Variants in CEMIP2 observed in about 807,000 individuals in gnomAD.
CEMIP2 encodes cell migration inducing hyaluronidase 2, also known as cell surface hyaluronidase CEMIP2.
In CEMIP2, 79 loss-of-function variants were observed where a neutral mutation model predicts 146.9. The observed-to-expected ratio is 0.54, with a 90% confidence interval of 0.45 to 0.65. CEMIP2 has a LOEUF of 0.65. CEMIP2 is among the 30% of genes least tolerant of loss of function. The pLI, the probability that CEMIP2 is intolerant of heterozygous loss-of-function variation, is 0.00. For missense variants in CEMIP2, 1,596 were observed against 1,696.2 expected (o/e 0.94, Z 1.04); for synonymous variants, 601 against 606.3 (o/e 0.99, Z 0.13).
At chr9:71,766,443 T>C (rs1824800106) in intron 1 of CEMIP2, among the ~76,000 whole-genome samples, 1 of 152,220 alleles carries the variant, frequency 6.6e-6, no homozygotes, top group Non-Finnish European at 1.5e-5. Flanking sequence ...CATGTAGCTC[T>C]AAGCAGTACC....
At chr9:71,767,394 G>A (rs1274813768) in intron 1 of CEMIP2, among the ~76,000 whole-genome samples, 2 of 152,300 alleles carry the variant, frequency 1.3e-5, no homozygotes, top group Admixed American at 6.5e-5. Flanking sequence ...CAAGGGGAGT[G>A]AACTCAAGGC....
chr9:71,746,452 G>T, intron 2 of CEMIP2, 111 bp from the exon 3 acceptor site: 1 of 1,300,366 alleles, frequency 7.7e-7, no homozygotes, highest in Non-Finnish European at 1.1e-6. Flanking sequence ...GCTAACATAT[G>T]TTGATTTCCT....
Position 71,684,235 on chromosome 9 carries a change from A to C in CEMIP2, c.*962T>G, listed in dbSNP as rs1202629374. On this transcript the variant is annotated 3_prime_UTR_variant, in exon 24 of 24. Transcript: ENST00000377044. ...TTAAGCTTTCTGGGATTTTCCTGGC[A>C]GGAGGGTGAACAGAAAAGCTTTAAA... 1.3e-5 allele frequency: 2 copies of C among 152,118 alleles called. No homozygotes were observed. Among genetic ancestry groups the C allele is most frequent in the Non-Finnish European group, 2.9e-5 (2 of 68,038 alleles). The allele number at this position is 152,118 out of a possible 1,614,324, so 9.4% of individuals were successfully genotyped here.
intron 6 of CEMIP2, among the ~76,000 whole-genome samples, chr9:71,734,037 G>A (rs966146696): frequency 6.6e-6 from 1 of 151,952 alleles, no homozygotes; most frequent in African/African-American, 2.4e-5. Context: ...TAGTAGAGAT[G>A]GGGTTTCACC....
intron 21 of CEMIP2, among the ~76,000 whole-genome samples, chr9:71,694,051 G>A (rs1240345617): frequency 1.3e-5 from 2 of 152,024 alleles, no homozygotes; most frequent in African/African-American, 4.8e-5. Context: ...CCTTGCCCTT[G>A]GACTTTCCAG....
At chr9:71,708,883 C>A (rs756436223) in intron 17 of CEMIP2, among the ~76,000 whole-genome samples, 2 of 152,092 alleles carry the variant, frequency 1.3e-5, no homozygotes, top group Non-Finnish European at 2.9e-5. Flanking sequence ...TTACTGACCC[C>A]AAAAGCAAAG....
chr9:71,750,166 G>A lies in CEMIP2; in HGVS notation c.208C>T (p.Gln70Ter). 3.7e-6 allele frequency: 6 copies of A among 1,614,032 alleles called. No individual in the cohort carries two copies. The highest frequency in any genetic ancestry group is 5.1e-6 in the Non-Finnish European group (6 of 1,179,986). ...CTCTTTTGCTTTTGACTTTCTCTCTGGGCTTGCTGTTCTTCAGGTGAGAAT... is the reference window on the plus strand; with the variant it reads ...CTCTTTTGCTTTTGACTTTCTCTCTAGGCTTGCTGTTCTTCAGGTGAGAAT... Reference protein sequence around the residue: ...FAFSPEEQQAQRESQKQKRHK... With the variant: ...FAFSPEEQQA The change falls in exon 2 of 24, where the codon CAG becomes TAG. Residue 70 changes from glutamine (Q) to a stop codon, truncating the protein, a stop_gained. Coordinates refer to ENST00000377044, the MANE Select transcript of CEMIP2 (RefSeq NM_013390.3). LOFTEE classifies it high-confidence loss of function.
chr9:71,687,589 A>G (rs11142959), intron 22 of CEMIP2, among the ~76,000 whole-genome samples: 12,702 of 151,880 alleles, frequency 0.084, 1,186 homozygotes, highest in African/African-American at 0.23. Flanking sequence ...AGCACTTTGG[A>G]AGGCTGAGAT....
chr9:71,709,419 A>G lies in CEMIP2; in HGVS notation c.2825T>C (p.Met942Thr), dbSNP rs368538401. 26 of 1,614,212 alleles carry G rather than the reference A, an allele frequency of 1.6e-5. No individual in the cohort carries two copies. Among genetic ancestry groups the G allele is most frequent in the Non-Finnish European group, 2.0e-5 (24 of 1,180,030 alleles). ...KPGPWFEDCE[M>T]DGDKNSIFHD... ...GAATATGGAGTTCTTATCACCATCC[A>G]TCTCACAATCTTCAAACCAGGGACC... The change falls in exon 17 of 24, where the codon ATG becomes ACG. Residue 942 changes from methionine to threonine, a missense_variant. Physicochemically the swap from Met to Thr is moderately conservative, Grantham distance 81 (BLOSUM62 -1). Transcript: ENST00000377044.
rs1018901390 is a variant in CEMIP2 at position 71,704,470 on chromosome 9, A to G, written c.3194+125T>C. On this transcript the variant is annotated intron_variant, in intron 18 of 23. Coordinates refer to ENST00000377044, the MANE Select transcript of CEMIP2 (RefSeq NM_013390.3). ...TCAACACAAAATATACAGCCTCCCC[A>G]CAAGAGAAGCAAAGTATGTAAAATT... 4.3e-6 allele frequency: 4 copies of G among 940,934 alleles called. No individual in the cohort carries two copies. In the African/African-American group the frequency reaches 6.6e-5, roughly 15 times the overall value. The allele number at this position is 940,934 out of a possible 1,614,324, so 58.3% of individuals were successfully genotyped here. A position where few individuals can be genotyped will look rare whatever the true frequency, so the allele number is the denominator to read the frequency against.
At chr9:71,713,424 C>T (rs1290901252) in intron 15 of CEMIP2, among the ~76,000 whole-genome samples, 2 of 151,994 alleles carry the variant, frequency 1.3e-5, no homozygotes, top group Admixed American at 1.3e-4. Context: ...TCCAATAAAC[C>T]TCTTTCTTTT....
intron 17 of CEMIP2, among the ~76,000 whole-genome samples, chr9:71,708,755 G>A (rs1226661703): frequency 6.6e-6 from 1 of 152,060 alleles, no homozygotes; most frequent in Non-Finnish European, 1.5e-5. Context: ...AATTTTCCTT[G>A]GATTCCTTTC....
At chr9:71,740,536 T>G (rs1823884091) in intron 4 of CEMIP2, among the ~76,000 whole-genome samples, 1 of 152,234 alleles carries the variant, frequency 6.6e-6, no homozygotes, top group African/African-American at 2.4e-5. Context: ...CATAACATTC[T>G]GGCCAAAATC....
chr9:71,712,168 T>A lies in CEMIP2; in HGVS notation c.2684A>T (p.Tyr895Phe). The A allele has an allele frequency of 6.2e-7, 1 of 1,614,228 alleles. No individual in the cohort carries two copies. Among genetic ancestry groups the A allele is most frequent in the Non-Finnish European group, 8.5e-7 (1 of 1,180,032 alleles). The change falls in exon 16 of 24, where the codon TAC (tyrosine) becomes TTC (phenylalanine). Residue 895 changes from tyrosine (Y) to phenylalanine (F), a missense_variant. Transcript: ENST00000377044. ...CATGAGGAAGCCAATTGCACTGCTG[T>A]ACCTATCTGGAGTTGGCACATATTT... is the stretch of plus-strand genomic sequence containing the variant. Reference protein sequence around the residue: ...FKKYVPTPDRYSSAIGFLMKN... With the variant: ...FKKYVPTPDRFSSAIGFLMKN...
chr9:71,740,241 A>C lies in CEMIP2; in HGVS notation c.1035-9T>G. 6.2e-7 allele frequency: 1 copy of C among 1,611,782 alleles called. No individual in the cohort carries two copies. The highest frequency in any genetic ancestry group is 2.2e-5 in the East Asian group (1 of 44,872). The stretch of plus-strand genomic sequence containing the variant: ...CTAAAGCCCAAGCTTGCCTAGAAGG[A>C]AAAAGAGCATGTGCATTTGATTACT... On this transcript the variant is annotated splice_polypyrimidine_tract_variant and intron_variant, in intron 4 of 23. Transcript: ENST00000377044.
intron 20 of CEMIP2, 42 bp downstream of exon 20, chr9:71,697,943 C>T (rs752178669): frequency 5.0e-6 from 8 of 1,588,630 alleles, no homozygotes; most frequent in South Asian, 3.4e-5. Context: ...AACCCTCTGA[C>T]TTTTTCTCCT....
At position 71,692,923 on chromosome 9, in the gene CEMIP2, GACA is replaced by G. The variant is rs142273515; in HGVS notation, c.3696+1583_3696+1585del. Among the ~76,000 whole-genome samples the G allele has an allele frequency of 4.0e-5, 6 of 150,764 alleles. No homozygotes were observed. In the East Asian group the frequency reaches 7.9e-4, roughly 20 times the overall value. On this transcript the variant is annotated intron_variant, in intron 21 of 23. Transcript: ENST00000377044. ...CTCAAAAACAAACAAACAAACAAAC[GACA>G]ACAACAACAACAAAAACCAAGAGTC...
chr9:71,746,104 A>G (rs751318811), intron 3 of CEMIP2, 97 bp downstream of exon 3: 7 of 1,392,832 alleles, frequency 5.0e-6, no homozygotes, highest in Non-Finnish European at 6.8e-6. Context: ...ACTAAAGCCT[A>G]TTCTGCCTAA....
chr9:71,695,043 A>G (rs757851793), intron 20 of CEMIP2, among the ~76,000 whole-genome samples: 42 of 152,216 alleles, frequency 2.8e-4, no homozygotes, highest in Non-Finnish European at 5.3e-4. Flanking sequence ...GAACATGAGC[A>G]GGTCTCAACT....
Sources: allele counts gnomAD v4.1 joint callset (sites outside exome capture counted in the v4.1 genomes callset), GRCh38; gene constraint gnomAD v4.1.1; transcripts MANE v1.5; gene names NCBI Gene and HGNC (gene_info 2026-07-23, HGNC 2026-07-21).